The following ZMYM1 variants were observed in gnomAD, a reference collection of about 807,000 sequenced individuals.
ZMYM1 encodes the protein zinc finger MYM-type containing 1.
ZMYM1 carries 39 observed loss-of-function variants against 60.0 expected under a neutral mutation model. That is an observed-to-expected ratio of 0.65 (90% CI 0.50 to 0.85). ZMYM1 has a LOEUF of 0.85. ZMYM1 is among the 40% of genes least tolerant of loss of function. ZMYM1 has a pLI of 0.00. For synonymous variants in ZMYM1, 413 were observed against 454.0 expected, an observed-to-expected ratio of 0.91 and a Z score of 1.15; for missense variants, 1,171 against 1,309.5, an observed-to-expected ratio of 0.89 and a Z score of 1.63.
At position 35,113,520 on chromosome 1, in the gene ZMYM1, C is replaced by G. The variant is rs1164480799; in HGVS notation, c.1690C>G (p.Leu564Val). 6.2e-7 allele frequency: 1 copy of G among 1,609,580 alleles called. No individual in the cohort carries two copies. Among genetic ancestry groups the G allele is most frequent in the Non-Finnish European group, 8.5e-7 (1 of 1,178,890 alleles). The change falls in exon 10 of 10, where the codon CTT (leucine) becomes GTT (valine). Residue 564 changes from leucine (L) to valine (V), a missense_variant. By Grantham distance (32) the Leu-to-Val change is conservative. Coordinates refer to ENST00000359858, the MANE Select transcript of ZMYM1 (RefSeq NM_024772.5). ...LKLIIENILF[L>V]GKQCLPLRGN... ...GCTTATAATTGAAAATATTTTATTT[C>G]TTGGAAAGCAGTGTTTACCCTTAAG... is the stretch of plus-strand genomic sequence containing the variant.
intron 1 of ZMYM1, among the ~76,000 whole-genome samples, chr1:35,088,148 G>T (rs776053586): frequency 1.1e-4 from 17 of 151,280 alleles, no homozygotes; most frequent in Non-Finnish European, 1.9e-4. Flanking sequence ...GGCTGGGCGC[G>T]GTGGCTCACA....
At chr1:35,059,987 C>G (rs1641842122) in intron 1 of ZMYM1, 3 of 151,950 alleles carry the variant, frequency 2.0e-5, no homozygotes, top group African/African-American at 7.3e-5. Flanking sequence ...AGGGTGCCAC[C>G]TTTCCTTTTC....
At chr1:35,086,158 CTG>C (rs1642642972) in intron 1 of ZMYM1, among the ~76,000 whole-genome samples, 1 of 152,154 alleles carries the variant, frequency 6.6e-6, no homozygotes, top group African/African-American at 2.4e-5. Context: ...ATATAAATCA[CTG>C]TCATTCATAA....
chr1:35,097,247 AAAAT>A lies in ZMYM1; in HGVS notation c.170-66_170-63del, dbSNP rs1643383606. 3.3e-6 allele frequency: 5 copies of A among 1,501,618 alleles called. No individual in the cohort carries two copies. The African/African-American group carries it at 4.2e-5, about 13-fold the overall frequency. 93.0% of individuals were successfully genotyped at this position (1,501,618 alleles called of 1,614,324 possible). On this transcript the variant is annotated intron_variant, in intron 3 of 9. Transcript: ENST00000359858. ...CCTGTCTCTAAAAAAAGAAAGAAAG[AAAAT>A]AAAGGAATGCCTACTTAATTTTGTG...
chr1:35,089,360 G>A (rs1214592116), intron 1 of ZMYM1, among the ~76,000 whole-genome samples: 1 of 152,140 alleles, frequency 6.6e-6, no homozygotes, highest in Non-Finnish European at 1.5e-5. Flanking sequence ...TTTTTAGTGA[G>A]TTTTGCTTTA....
intron 1 of ZMYM1, among the ~76,000 whole-genome samples, chr1:35,086,222 T>C (rs1642647115): frequency 6.6e-6 from 1 of 152,086 alleles, no homozygotes; most frequent in African/African-American, 2.4e-5. Flanking sequence ...CATACAGAAT[T>C]TTAAGGTTTT....
Position 35,073,980 on chromosome 1 carries a change from C to T in ZMYM1, c.-300-5014C>T, listed in dbSNP as rs377558859. The stretch of plus-strand genomic sequence containing the variant: ...TTTCTGTATTTTTAGTAGAGATGAG[C>T]TTTCACCATATTGGCCAGCCTGGTC... On this transcript the variant is annotated intron_variant, in intron 1 of 10. Coordinates refer to the ZMYM1 transcript ENST00000417119. Among the ~76,000 whole-genome samples the T allele has an allele frequency of 9.1e-4, 138 of 152,214 alleles. 2 individuals are homozygous for T. In the South Asian group the frequency reaches 0.021, roughly 23 times the overall value.
chr1:35,088,679 T>G (rs994687899), intron 1 of ZMYM1, among the ~76,000 whole-genome samples: 1 of 151,470 alleles, frequency 6.6e-6, no homozygotes, highest in Admixed American at 6.6e-5. Flanking sequence ...CTTATTTTAC[T>G]CTAATGTGCA....
chr1:35,115,015 A>G lies in ZMYM1; in HGVS notation c.3185A>G (p.Asn1062Ser), dbSNP rs1644222606. ...TTTATTCAGCATGGTCTTCACAGTA[A>G]TATTCCTTGTCTCTCAAAGCTATTA... ...CLFIQHGLHS[N>S]IPCLSKLLYI... Residue 1062 changes from asparagine to serine, a missense_variant, in exon 10 of 10, where the codon AAT becomes AGT. Coordinates refer to ENST00000359858, the MANE Select transcript of ZMYM1 (RefSeq NM_024772.5). 3.1e-6 allele frequency: 5 copies of G among 1,614,068 alleles called. No individual in the cohort carries two copies. The highest frequency in any genetic ancestry group is 4.2e-6 in the Non-Finnish European group (5 of 1,179,940).
chr1:35,091,073 AT>A (rs1397391268), intron 1 of ZMYM1, among the ~76,000 whole-genome samples: 1 of 35,232 alleles, frequency 2.8e-5, no homozygotes, highest in Non-Finnish European at 9.6e-5. Flanking sequence ...TGACACTGCT[AT>A]TTACCAAAAA....
At chr1:35,116,338 TG>T (rs1644248481), downstream of ZMYM1, among the ~76,000 whole-genome samples, 2 of 152,340 alleles carry the variant, frequency 1.3e-5, no homozygotes, top group South Asian at 4.1e-4. Flanking sequence ...AAATCACTGC[TG>T]TGGTTTTGAT....
At chr1:35,112,178 TTTGTTG>T (rs749320961) in intron 9 of ZMYM1, 48 bp downstream of exon 9, 3 of 1,587,406 alleles carry the variant, frequency 1.9e-6, no homozygotes, top group Non-Finnish European at 2.6e-6. Flanking sequence ...TAAGCAGATT[TTTGTTG>T]TTGTTGTTGT....
At chr1:35,108,051 G>A (rs1310595057) in intron 6 of ZMYM1, among the ~76,000 whole-genome samples, 1 of 152,192 alleles carries the variant, frequency 6.6e-6, no homozygotes, top group Non-Finnish European at 1.5e-5. Flanking sequence ...GGTAAAGGTT[G>A]TAGTGAGCCG....
upstream of ZMYM1, among the ~76,000 whole-genome samples, chr1:35,076,606 G>A (rs1040741716): frequency 6.0e-5 from 9 of 149,960 alleles, no homozygotes. Context: ...GGCAACAAGA[G>A]CGAAGCTCCA....
intron 6 of ZMYM1, among the ~76,000 whole-genome samples, chr1:35,108,806 G>A (rs1316467014): frequency 6.6e-6 from 1 of 150,488 alleles, no homozygotes. Flanking sequence ...AACCTCAGGT[G>A]TTCAAGCAAT....
In ZMYM1 at chr1:35,112,003, A is replaced by G. The variant is rs144611949; in HGVS notation, c.1103-84A>G. The G allele has an allele frequency of 1.9e-6, 3 of 1,549,644 alleles. No individual in the cohort carries two copies. The East Asian group carries it at 6.9e-5, about 36-fold the overall frequency. ...ATGCTAAATTTTCTTTTTGTTTCTT[A>G]TATGAAATAAGCAAATATAGTTTAT... On this transcript the variant is annotated intron_variant, in intron 8 of 9. Transcript: ENST00000359858.
At position 35,113,147 on chromosome 1, in the gene ZMYM1, C is replaced by T. The variant is rs745356114; in HGVS notation, c.1317C>T (p.His439=). ...KSMKISDELC[H]PKCTSKVQKV... ...TGAAAATAAGTGATGAACTATGTCACCCAAAATGTACATCCAAAGTACAAA... is the reference window on the plus strand; with the variant it reads ...TGAAAATAAGTGATGAACTATGTCATCCAAAATGTACATCCAAAGTACAAA... The change falls in exon 10 of 10, where the codon CAC becomes CAT. Residue 439 remains histidine (H), a synonymous_variant. Transcript: ENST00000359858. 9.9e-6 allele frequency: 16 copies of T among 1,613,664 alleles called. No individual in the cohort carries two copies. In the African/African-American group the frequency reaches 2.1e-4, roughly 22 times the overall value.
At chr1:35,068,833 TTTTTC>T (rs993461477) in intron 1 of ZMYM1, among the ~76,000 whole-genome samples, 8 of 151,908 alleles carry the variant, frequency 5.3e-5, no homozygotes, top group Admixed American at 1.3e-4. Flanking sequence ...GGAAGTCCTT[TTTTTC>T]TTTTCTTTTC....
upstream of ZMYM1, among the ~76,000 whole-genome samples, chr1:35,076,747 A>C (rs553061380): frequency 6.6e-6 from 1 of 152,100 alleles, no homozygotes; most frequent in Non-Finnish European, 1.5e-5. Flanking sequence ...GGACTGGCCA[A>C]CATGGCGAAA....
Sources: allele counts gnomAD v4.1 joint callset (sites outside exome capture counted in the v4.1 genomes callset), GRCh38; gene constraint gnomAD v4.1.1; transcripts MANE v1.5; gene names NCBI Gene and HGNC (gene_info 2026-07-23, HGNC 2026-07-21).